Variants in ZNF800 observed in about 807,000 individuals in gnomAD.
ZNF800 encodes the protein zinc finger protein 800.
ZNF800 carries 13 observed loss-of-function variants against 59.5 expected under a neutral mutation model. The ratio of observed to expected loss-of-function variants is 0.22; its 90% CI spans 0.14 to 0.35. The LOEUF (loss-of-function observed/expected upper bound fraction) is 0.35, where lower values mean the gene tolerates loss of function less well. ZNF800 is among the 10% of genes least tolerant of loss of function. The pLI, the probability that ZNF800 is intolerant of heterozygous loss-of-function variation, is 1.00. For synonymous variants in ZNF800, 266 were observed against 265.7 expected, an observed-to-expected ratio of 1.00 and a Z score of -0.01; for missense variants, 621 against 783.7, an observed-to-expected ratio of 0.79 and a Z score of 2.48.
intron 2 of ZNF800, among the ~76,000 whole-genome samples, chr7:127,388,964 C>G (rs1373714947): frequency 6.6e-6 from 1 of 152,034 alleles, no homozygotes; most frequent in Non-Finnish European, 1.5e-5. Flanking sequence ...GTTACATGAC[C>G]ATTTAGAAAA....
chr7:127,391,888 G>A (rs1801332553), intron 1 of ZNF800, among the ~76,000 whole-genome samples, 172 bp downstream of exon 1: 1 of 151,572 alleles, frequency 6.6e-6, no homozygotes, highest in Non-Finnish European at 1.5e-5. Context: ...CGCCGTCCCG[G>A]GCGGGCGCGC....
intron 1 of ZNF800, chr7:127,363,872 G>C (rs959278264): frequency 6.6e-6 from 1 of 152,018 alleles, no homozygotes; most frequent in African/African-American, 2.4e-5. Flanking sequence ...AGGGGACAAA[G>C]GACAAGGGGT....
rs555832441 is a variant in ZNF800, at chr7:127,385,362, C to T, written c.157+698G>A. 3.2e-4 allele frequency among the ~76,000 whole-genome samples: 49 copies of T among 152,244 alleles called. 1 individual carries two copies. The South Asian group carries it at 8.7e-3, about 27-fold the overall frequency. On this transcript the variant is annotated intron_variant, in intron 3 of 5. Coordinates refer to ENST00000265827, the MANE Select transcript of ZNF800 (RefSeq NM_176814.5). ...AAGTGGATTATAGGAATCACAGCAACCTAACATCTTACTGATAACATAGGG... is the reference window on the plus strand; with the variant it reads ...AAGTGGATTATAGGAATCACAGCAATCTAACATCTTACTGATAACATAGGG...
chr7:127,352,797 A>C (rs959806982), intron 1 of ZNF800, among the ~76,000 whole-genome samples: 1 of 152,194 alleles, frequency 6.6e-6, no homozygotes, highest in Non-Finnish European at 1.5e-5. Context: ...TCAGCCTTAG[A>C]AAGCAGTGGC....
At chr7:127,391,379 A>G (rs1801309062) in intron 2 of ZNF800, 118 bp downstream of exon 2, 3 of 974,126 alleles carry the variant, frequency 3.1e-6, no homozygotes, top group East Asian at 4.9e-5. Context: ...TATGCTAGGG[A>G]ATATCATAGC....
chr7:127,355,744 T>C lies in ZNF800; in HGVS notation n.225-7701A>G, dbSNP rs190931337. Among the ~76,000 whole-genome samples the C allele has an allele frequency of 8.1e-4, 124 of 152,240 alleles. 2 individuals carry two copies. Among genetic ancestry groups the C allele is most frequent in the Non-Finnish European group, 4.4e-4 (30 of 67,964 alleles). Reference sequence around the variant, plus strand: ...AAAATATTAAAAATTATTTTTCAAATGTTGGGTTGCCAAATTTTCTTTATA... The same window carrying C: ...AAAATATTAAAAATTATTTTTCAAACGTTGGGTTGCCAAATTTTCTTTATA... On this transcript the variant is annotated intron_variant and non_coding_transcript_variant, in intron 1 of 1. Transcript: ENST00000485577.
At chr7:127,359,953 G>A (rs1263966230) in intron 1 of ZNF800, 1 of 151,382 alleles carries the variant, frequency 6.6e-6, no homozygotes, top group Non-Finnish European at 1.5e-5. Flanking sequence ...AAATGTAGAT[G>A]GTTATTATTT....
chr7:127,389,945 A>G (rs1415661710), intron 2 of ZNF800, among the ~76,000 whole-genome samples: 1 of 148,648 alleles, frequency 6.7e-6, no homozygotes, highest in African/African-American at 2.4e-5. Context: ...GTATAATCAC[A>G]AATTAGCTTA....
At chr7:127,380,010 CCT>C (rs931274162) in intron 3 of ZNF800, among the ~76,000 whole-genome samples, 4 of 151,804 alleles carry the variant, frequency 2.6e-5, no homozygotes, top group South Asian at 2.1e-4. Context: ...TATGTTTTTT[CCT>C]CTCTGACTAT....
chr7:127,360,498 T>A (rs935755319), intron 1 of ZNF800: 1 of 152,102 alleles, frequency 6.6e-6, no homozygotes, highest in Admixed American at 6.6e-5. Context: ...GATTCAATAA[T>A]CTCTCCTACA....
At chr7:127,343,854 T>C (rs1800010645), downstream of ZNF800, among the ~76,000 whole-genome samples, 1 of 152,066 alleles carries the variant, frequency 6.6e-6, no homozygotes, top group Admixed American at 6.5e-5. Flanking sequence ...TTTATTGTGA[T>C]AATAGGCCAG....
intron 5 of ZNF800, among the ~76,000 whole-genome samples, chr7:127,372,136 T>C (rs1399205289): frequency 1.3e-5 from 2 of 152,166 alleles, no homozygotes; most frequent in Non-Finnish European, 1.5e-5. Flanking sequence ...ACTCATTTTA[T>C]GTTGCATTTT....
chr7:127,355,291 C>A (rs1239279035), intron 1 of ZNF800, among the ~76,000 whole-genome samples: 3 of 151,952 alleles, frequency 2.0e-5, no homozygotes, highest in South Asian at 4.2e-4. Flanking sequence ...AAAAAGAAAT[C>A]AAAACTTATT....
chr7:127,352,584 CTGATTA>C (rs1301707093), intron 1 of ZNF800, among the ~76,000 whole-genome samples: 4 of 152,174 alleles, frequency 2.6e-5, no homozygotes, highest in South Asian at 2.1e-4. Flanking sequence ...AAGCAACCTT[CTGATTA>C]TAATTTATTT....
intron 2 of ZNF800, among the ~76,000 whole-genome samples, chr7:127,388,970 G>GA (rs1411693336): frequency 4.7e-5 from 7 of 149,704 alleles, no homozygotes; most frequent in South Asian, 2.1e-4. Flanking sequence ...TGACCATTTA[G>GA]AAAAAAAAAA....
intron 1 of ZNF800, among the ~76,000 whole-genome samples, chr7:127,353,350 C>T (rs1018115156): frequency 6.6e-6 from 1 of 152,108 alleles, no homozygotes; most frequent in Non-Finnish European, 1.5e-5. Context: ...CATTATCTTA[C>T]ATCAAGAATT....
Position 127,374,730 on chromosome 7 carries a change from T to A in ZNF800, c.606A>T (p.Glu202Asp), listed in dbSNP as rs1254187046. The A allele has an allele frequency of 3.1e-6, 5 of 1,613,918 alleles. No homozygotes were observed. Among genetic ancestry groups the A allele is most frequent in the Non-Finnish European group, 4.2e-6 (5 of 1,179,958 alleles). The change falls in exon 5 of 6, where the codon GAA (glutamate) becomes GAT (aspartate). Residue 202 changes from glutamate to aspartate, a missense_variant. Transcript: ENST00000265827. ...GTTGTTCATCAGATGTAGGTGCAAC[T>A]TCATCTGTAACAATCTCAACAGGAG... Reference protein sequence around the residue: ...EPPPVEIVTDEVAPTSDEQPQ... With the variant: ...EPPPVEIVTDDVAPTSDEQPQ...
chr7:127,385,310 G>C (rs552051333), intron 3 of ZNF800, among the ~76,000 whole-genome samples: 2 of 152,258 alleles, frequency 1.3e-5, no homozygotes, highest in South Asian at 2.1e-4. Context: ...TGTAATGTCA[G>C]AGAAGCCAAA....
chr7:127,389,379 A>G (rs1258475962), intron 2 of ZNF800, among the ~76,000 whole-genome samples: 4 of 152,220 alleles, frequency 2.6e-5, no homozygotes, highest in Admixed American at 2.6e-4. Context: ...ACCCTTCACT[A>G]TAAATTGACC....
Sources: gnomAD v4.1 joint callset for allele counts (sites outside exome capture counted in the v4.1 genomes callset) on GRCh38, gnomAD v4.1.1 for gene constraint, MANE v1.5 for transcripts, NCBI Gene and HGNC (gene_info 2026-07-23, HGNC 2026-07-21) for gene names.